The following RTL6 variants were observed in gnomAD, a reference collection of about 807,000 sequenced individuals.
RTL6 encodes the protein retrotransposon Gag-like protein 6.
RTL6 carries 9 observed loss-of-function variants against 12.4 expected under a neutral mutation model. The ratio of observed to expected loss-of-function variants is 0.73; its 90% CI spans 0.44 to 1.27. The LOEUF (loss-of-function observed/expected upper bound fraction) is 1.27, where lower values mean the gene tolerates loss of function less well. RTL6 is among the 50% of genes most tolerant of loss of function. The pLI, the probability that RTL6 is intolerant of heterozygous loss-of-function variation, is 0.00. For missense variants in RTL6, 291 were observed against 330.7 expected (o/e 0.88, Z 0.93); for synonymous variants, 160 against 142.8 (o/e 1.12, Z -0.86).
Position 44,496,660 on chromosome 22 carries a change from TG to T in RTL6, c.*176del. 1 of 773,276 alleles carries T rather than the reference TG, an allele frequency of 1.3e-6. No individual in the cohort carries two copies. Among genetic ancestry groups the T allele is most frequent in the Non-Finnish European group, 2.1e-6 (1 of 478,022 alleles). The allele number at this position is 773,276 out of a possible 1,614,324, so 47.9% of individuals were successfully genotyped here. ...GCACGTAAGAGGAAGCACGGCAAGGTGGGCAACCAGGGCGCCAGGAAGGACG... is the reference window on the plus strand; with the variant it reads ...GCACGTAAGAGGAAGCACGGCAAGGTGGCAACCAGGGCGCCAGGAAGGACG... On this transcript the variant is annotated 3_prime_UTR_variant, in exon 2 of 2. Coordinates refer to ENST00000341255, the MANE Select transcript of RTL6 (RefSeq NM_032287.3).
Position 44,497,621 on chromosome 22 carries a change from G to A in RTL6, c.-65C>T. ...GACCAAGAGGGTGTGGTGACCAGGT[G>A]GGCCCCTGTAGAAATGGGGGCAGTG... On this transcript the variant is annotated 5_prime_UTR_variant, in exon 2 of 2. Coordinates refer to ENST00000341255, the MANE Select transcript of RTL6 (RefSeq NM_032287.3). 1 of 1,560,604 alleles carries A rather than the reference G, an allele frequency of 6.4e-7. No homozygotes were observed. Among genetic ancestry groups the A allele is most frequent in the Non-Finnish European group, 8.7e-7 (1 of 1,153,656 alleles).
rs1276854640 is a variant in RTL6, at chr22:44,497,373, C to G, written c.184G>C (p.Ala62Pro). ...CTGGTGCGTAACAAGGTCAGCTCTGCCATCACGCTCTCCAGCATGTTGGTG... is the reference window on the plus strand; with the variant it reads ...CTGGTGCGTAACAAGGTCAGCTCTGGCATCACGCTCTCCAGCATGTTGGTG... ...NLTNMLESVMAELTLLRTRAR... is the reference protein window; with the variant it reads ...NLTNMLESVMPELTLLRTRAR... Residue 62 changes from alanine (A) to proline (P), a missense_variant, in exon 2 of 2, where the codon GCA (alanine) becomes CCA (proline). This residue lies in a region of RTL6 where 155 missense variants were observed against 149.2 expected (regional missense o/e 1.04). Transcript: ENST00000341255. 1 of 1,613,176 alleles carries G rather than the reference C, an allele frequency of 6.2e-7. No homozygotes were observed. Among genetic ancestry groups the G allele is most frequent in the Non-Finnish European group, 8.5e-7 (1 of 1,179,422 alleles).
chr22:44,497,150 C>G lies in RTL6; in HGVS notation c.407G>C (p.Arg136Pro), dbSNP rs1235019821. 1.2e-6 allele frequency: 2 copies of G among 1,613,854 alleles called. No individual in the cohort carries two copies. Among genetic ancestry groups the G allele is most frequent in the Non-Finnish European group, 8.5e-7 (1 of 1,179,848 alleles). Residue 136 changes from arginine to proline, a missense_variant, in exon 2 of 2, where the codon CGT (arginine) becomes CCT (proline). Coordinates refer to ENST00000341255, the MANE Select transcript of RTL6 (RefSeq NM_032287.3). ...CAGTCGAGACACAAGGAAGGCCACACGCTCGGCCTCACCCGGGAAGCGGGA... is the reference window on the plus strand; with the variant it reads ...CAGTCGAGACACAAGGAAGGCCACAGGCTCGGCCTCACCCGGGAAGCGGGA... ...QASRFPGEAE[R>P]VAFLVSRLTG... is the part of the protein sequence containing the mutation.
rs767760373 is a variant in RTL6 at position 44,497,591 on chromosome 22, G to C, written c.-35C>G. 11 of 1,603,780 alleles carry C rather than the reference G, an allele frequency of 6.9e-6. No individual in the cohort carries two copies. Among genetic ancestry groups the C allele is most frequent in the Non-Finnish European group, 9.4e-6 (11 of 1,175,286 alleles). On this transcript the variant is annotated 5_prime_UTR_variant, in exon 2 of 2. Coordinates refer to ENST00000341255, the MANE Select transcript of RTL6 (RefSeq NM_032287.3). The stretch of plus-strand genomic sequence containing the variant: ...AGGTCAGCCACACGCTGAGATCCGC[G>C]GGTGGACCAAGAGGGTGTGGTGACC...
At position 44,494,250 on chromosome 22, in the gene RTL6, C is replaced by T. The variant is rs1386402518; in HGVS notation, c.*2587G>A. 1.3e-5 allele frequency: 2 copies of T among 152,250 alleles called. No homozygotes were observed. The highest frequency in any genetic ancestry group is 4.8e-5 in the African/African-American group (2 of 41,452). The allele number at this position is 152,250 out of a possible 1,614,324, so 9.4% of individuals were successfully genotyped here. A position where few individuals can be genotyped will look rare whatever the true frequency, so the allele number is the denominator to read the frequency against. On this transcript the variant is annotated 3_prime_UTR_variant, in exon 2 of 2. Coordinates refer to ENST00000341255, the MANE Select transcript of RTL6 (RefSeq NM_032287.3). ...CTTTTATCAATCAATACCCGTTCTC[C>T]TAAAATTTAGAGAAATTATAACCCC... is the stretch of plus-strand genomic sequence containing the variant.
At position 44,493,923 on chromosome 22, in the gene RTL6, A is replaced by C. The variant is rs967935562; in HGVS notation, c.*2914T>G. On this transcript the variant is annotated 3_prime_UTR_variant, in exon 2 of 2. Transcript: ENST00000341255. ...CCGCACTTTCTGGGTTTTGTTTTCC[A>C]CTCCTCCTCATTGCTCATCACATAC... 3 of 151,416 alleles carry C rather than the reference A, an allele frequency of 2.0e-5. No individual in the cohort carries two copies. The allele number at this position is 151,416 out of a possible 1,614,324, so 9.4% of individuals were successfully genotyped here.
In RTL6 at chr22:44,497,829, G is replaced by A. The variant is rs979477924; in HGVS notation, c.-255-18C>T. On this transcript the variant is annotated intron_variant, in intron 1 of 1. Transcript: ENST00000341255. ...TCTGGGCCCTGGAGGATTAAGAAAA[G>A]ATGTTTTCAAGGTTTCAGTTGCGAC... is the stretch of plus-strand genomic sequence containing the variant. The A allele has an allele frequency of 1.7e-5, 8 of 460,588 alleles. No individual in the cohort carries two copies. The highest frequency in any genetic ancestry group is 2.8e-5 in the Non-Finnish European group (7 of 251,816). 28.5% of individuals were successfully genotyped at this position (460,588 alleles called of 1,614,324 possible).
chr22:44,496,700 C>G lies in RTL6; in HGVS notation c.*137G>C, dbSNP rs148791568. ...CCAGGAAGGACGGAAGGAAGATCTC[C>G]TCGGGGAACACGTCTGGAGAGGCAA... On this transcript the variant is annotated 3_prime_UTR_variant, in exon 2 of 2. Transcript: ENST00000341255. 9.3e-4 allele frequency: 1,051 copies of G among 1,124,526 alleles called. 6 individuals carry two copies. The Middle Eastern group carries it at 0.013, about 14-fold the overall frequency. 69.7% of individuals were successfully genotyped at this position (1,124,526 alleles called of 1,614,324 possible).
At position 44,494,740 on chromosome 22, in the gene RTL6, G is replaced by A. The variant is rs1321623064; in HGVS notation, c.*2097C>T. The A allele has an allele frequency of 6.6e-6, 1 of 152,580 alleles. No homozygotes were observed. Among genetic ancestry groups the A allele is most frequent in the African/African-American group, 2.4e-5 (1 of 41,432 alleles). 9.5% of individuals were successfully genotyped at this position (152,580 alleles called of 1,614,324 possible). On this transcript the variant is annotated 3_prime_UTR_variant, in exon 2 of 2. Coordinates refer to ENST00000341255, the MANE Select transcript of RTL6 (RefSeq NM_032287.3). Reference sequence around the variant, plus strand: ...GGCCTTTCCTAGGCAGCTGTAGGATGTGAAGCAGCACAGGCCTGACACAGA... The same window carrying A: ...GGCCTTTCCTAGGCAGCTGTAGGATATGAAGCAGCACAGGCCTGACACAGA...
rs529491601 is a variant in RTL6, at chr22:44,494,620, G to C, written c.*2217C>G. 3.8e-4 allele frequency: 58 copies of C among 152,760 alleles called. 1 individual carries two copies. The highest frequency in any genetic ancestry group is 1.0e-3 in the Admixed American group (16 of 15,308). The allele number at this position is 152,760 out of a possible 1,614,324, so 9.5% of individuals were successfully genotyped here. On this transcript the variant is annotated 3_prime_UTR_variant, in exon 2 of 2. Transcript: ENST00000341255. ...AAGGTGGAGCAGCTGCTTGGATTGG[G>C]TGCCCATAGGCAGAGGGCCCGGCTG...
In RTL6 at chr22:44,492,969, T is replaced by C. The variant is rs1256531496; in HGVS notation, c.*3868A>G. On this transcript the variant is annotated 3_prime_UTR_variant, in exon 2 of 2. Coordinates refer to ENST00000341255, the MANE Select transcript of RTL6 (RefSeq NM_032287.3). ...GGAGTCTACCCTAATAACTTGACAT[T>C]GGGAAACAGCCTGTGCACAAAGATA... 6.6e-6 allele frequency: 1 copy of C among 152,204 alleles called. No individual in the cohort carries two copies. Among genetic ancestry groups the C allele is most frequent in the Non-Finnish European group, 1.5e-5 (1 of 68,036 alleles). 9.4% of individuals were successfully genotyped at this position (152,204 alleles called of 1,614,324 possible). A position where few individuals can be genotyped will look rare whatever the true frequency, so the allele number is the denominator to read the frequency against.
In RTL6 at chr22:44,497,656, C is replaced by T. The variant is rs1924495662; in HGVS notation, c.-100G>A. On this transcript the variant is annotated 5_prime_UTR_variant, in exon 2 of 2. The change creates a new upstream start codon in the 5' untranslated region. Transcript: ENST00000341255. ...AGAAATGGGGGCAGTGTGGGGTGCA[C>T]GACGGCAGGGCGCTGCGAGACCCCC... The T allele has an allele frequency of 6.9e-7, 1 of 1,448,538 alleles. No homozygotes were observed. Among genetic ancestry groups the T allele is most frequent in the Non-Finnish European group, 9.2e-7 (1 of 1,084,538 alleles). 89.7% of individuals were successfully genotyped at this position (1,448,538 alleles called of 1,614,324 possible). A position where few individuals can be genotyped will look rare whatever the true frequency, so the allele number is the denominator to read the frequency against.
At position 44,497,779 on chromosome 22, in the gene RTL6, G is replaced by A; in HGVS notation, c.-223C>T. ...TTTACTGCAGACTTCGCGGACTACG[G>A]AGCCAGACGGGTGGCTGGACCTGCT... On this transcript the variant is annotated 5_prime_UTR_variant, in exon 2 of 2. Transcript: ENST00000341255. The A allele has an allele frequency of 1.7e-6, 1 of 604,118 alleles. No homozygotes were observed. Among genetic ancestry groups the A allele is most frequent in the Non-Finnish European group, 3.0e-6 (1 of 336,370 alleles). The allele number at this position is 604,118 out of a possible 1,614,324, so 37.4% of individuals were successfully genotyped here.
At position 44,496,747 on chromosome 22, in the gene RTL6, G is replaced by A. The variant is rs1924458493; in HGVS notation, c.*90C>T. 6.9e-7 allele frequency: 1 copy of A among 1,455,868 alleles called. No individual in the cohort carries two copies. The highest frequency in any genetic ancestry group is 9.2e-7 in the Non-Finnish European group (1 of 1,088,220). The allele number at this position is 1,455,868 out of a possible 1,614,324, so 90.2% of individuals were successfully genotyped here. A position where few individuals can be genotyped will look rare whatever the true frequency, so the allele number is the denominator to read the frequency against. ...GCAAGAAGGGAGGTCTTCAAACAGG[G>A]GCAAAGCTGTCGTATGGGCATTTCT... On this transcript the variant is annotated 3_prime_UTR_variant, in exon 2 of 2. Transcript: ENST00000341255.
rs576999802 is a variant in RTL6, at chr22:44,493,659, G to C, written c.*3178C>G. 2 of 152,444 alleles carry C rather than the reference G, an allele frequency of 1.3e-5. No homozygotes were observed. Among genetic ancestry groups the C allele is most frequent in the Admixed American group, 1.3e-4 (2 of 15,304 alleles). The allele number at this position is 152,444 out of a possible 1,614,324, so 9.4% of individuals were successfully genotyped here. On this transcript the variant is annotated 3_prime_UTR_variant, in exon 2 of 2. Transcript: ENST00000341255. Reference sequence around the variant, plus strand: ...CATGAGCCTTACAACTGTGGTTGCAGATGGAGGCGCCTCCATTAGGATCTC... The same window carrying C: ...CATGAGCCTTACAACTGTGGTTGCACATGGAGGCGCCTCCATTAGGATCTC...
rs778846762 is a variant in RTL6, at chr22:44,497,499, C to T, written c.58G>A (p.Ala20Thr). The T allele has an allele frequency of 6.2e-7, 1 of 1,614,178 alleles. No individual in the cohort carries two copies. Among genetic ancestry groups the T allele is most frequent in the East Asian group, 2.2e-5 (1 of 44,870 alleles). Reference sequence around the variant, plus strand: ...GTGTCAATAACGTCATCCATCTGGGCATTCGGAGACGCTGCCAAGGCTGGG... The same window carrying T: ...GTGTCAATAACGTCATCCATCTGGGTATTCGGAGACGCTGCCAAGGCTGGG... ...ESPALAASPNAQMDDVIDTLT... is the reference protein window; with the variant it reads ...ESPALAASPNTQMDDVIDTLT... Residue 20 changes from alanine to threonine, a missense_variant, in exon 2 of 2, where the codon GCC (alanine) becomes ACC (threonine). Ala to Thr is a moderately conservative substitution (Grantham distance 58, BLOSUM62 0). Around this residue, in one of 3 missense-constraint regions of RTL6, gnomAD observed 155 missense variants for 149.2 expected, o/e 1.04. Coordinates refer to ENST00000341255, the MANE Select transcript of RTL6 (RefSeq NM_032287.3).
In RTL6 at chr22:44,495,661, A is replaced by ACC. The variant is rs35122619; in HGVS notation, c.*1174_*1175dup. 0.071 allele frequency: 10,717 copies of ACC among 150,690 alleles called. 817 individuals are homozygous for ACC. The highest frequency in any genetic ancestry group is 0.19 in the African/African-American group (7,754 of 40,972). The allele number at this position is 150,690 out of a possible 1,614,324, so 9.3% of individuals were successfully genotyped here. A position where few individuals can be genotyped will look rare whatever the true frequency, so the allele number is the denominator to read the frequency against. ...CCTGGCTGGGTTGCCAGAGGCAGAC[A>ACC]CCCCCCCCGGCCTTAAGTGCTTAAG... On this transcript the variant is annotated 3_prime_UTR_variant, in exon 2 of 2. Coordinates refer to ENST00000341255, the MANE Select transcript of RTL6 (RefSeq NM_032287.3).
At position 44,497,292 on chromosome 22, in the gene RTL6, T is replaced by C. The variant is rs773214387; in HGVS notation, c.265A>G (p.Asn89Asp). 1.1e-5 allele frequency: 18 copies of C among 1,614,062 alleles called. No homozygotes were observed. Among genetic ancestry groups the C allele is most frequent in the Non-Finnish European group, 1.4e-5 (17 of 1,179,960 alleles). Residue 89 changes from asparagine to aspartate, a missense_variant, in exon 2 of 2, where the codon AAC becomes GAC. Around this residue, in one of 3 missense-constraint regions of RTL6, gnomAD observed 155 missense variants for 149.2 expected, o/e 1.04. Transcript: ENST00000341255. ...ITPPISSITS[N>D]GTRPMTTPPT... Reference sequence around the variant, plus strand: ...GGTGTGGTCATGGGTCGAGTCCCGTTTGAAGTAATTGAGGAGATGGGCGGG... The same window carrying C: ...GGTGTGGTCATGGGTCGAGTCCCGTCTGAAGTAATTGAGGAGATGGGCGGG...
Position 44,496,170 on chromosome 22 carries a change from A to T in RTL6, c.*667T>A, listed in dbSNP as rs131161. On this transcript the variant is annotated 3_prime_UTR_variant, in exon 2 of 2. Coordinates refer to ENST00000341255, the MANE Select transcript of RTL6 (RefSeq NM_032287.3). The stretch of plus-strand genomic sequence containing the variant: ...GGTGCAACATTGGTCCTTCCCAGTG[A>T]GAGCAGTGGGGCCTCCCAGACTGCA... The T allele has an allele frequency of 0.3, 45,697 of 152,186 alleles. 7,843 individuals carry two copies. The highest frequency in any genetic ancestry group is 0.4 in the South Asian group (1,938 of 4,820). The allele number at this position is 152,186 out of a possible 1,614,324, so 9.4% of individuals were successfully genotyped here. A position where few individuals can be genotyped will look rare whatever the true frequency, so the allele number is the denominator to read the frequency against.
Sources: gnomAD v4.1 joint callset for allele counts on GRCh38, gnomAD v4.1.1 for gene constraint, gnomAD v4.1.1 regional missense constraint, MANE v1.5 for transcripts, NCBI Gene and HGNC (gene_info 2026-07-23, HGNC 2026-07-21) for gene names.